Variants in RAD51D observed in about 807,000 individuals in gnomAD.
RAD51D encodes RAD51 paralog D.
RAD51D carries 38 observed loss-of-function variants against 44.1 expected under a neutral mutation model. The observed-to-expected ratio is 0.86, with a 90% CI of 0.67 to 1.13. The LOEUF is 1.13. Ranked by LOEUF, RAD51D falls within the 50% of genes most tolerant of loss-of-function variation. The pLI, the probability that RAD51D is intolerant of heterozygous loss-of-function variation, is 0.00. For synonymous variants in RAD51D, 141 were observed against 166.6 expected (o/e 0.85, Z 1.18); for missense variants, 390 against 414.0 (o/e 0.94, Z 0.50).
Position 35,101,504 on chromosome 17 carries a change from T to C in RAD51D, c.739-139A>G, listed in dbSNP as rs928244175. On this transcript the variant is annotated intron_variant, in intron 8 of 9. Coordinates refer to ENST00000345365, the MANE Select transcript of RAD51D (RefSeq NM_002878.4). Reference sequence around the variant, plus strand: ...CAAGGTTACAAAACCTAATGGCAGGTCTGGAACTAGAACCTGGGCCTCCTG... The same window carrying C: ...CAAGGTTACAAAACCTAATGGCAGGCCTGGAACTAGAACCTGGGCCTCCTG... 5.3e-6 allele frequency: 5 copies of C among 936,056 alleles called. No individual in the cohort carries two copies. In the East Asian group the frequency reaches 1.3e-4, roughly 24 times the overall value. 58.0% of individuals were successfully genotyped at this position (936,056 alleles called of 1,614,324 possible). A position where few individuals can be genotyped will look rare whatever the true frequency, so the allele number is the denominator to read the frequency against.
rs1310166106 is a variant in RAD51D at position 35,116,880 on chromosome 17, C to G, written c.263+1621G>C. 3 of 1,571,420 alleles carry G rather than the reference C, an allele frequency of 1.9e-6. No homozygotes were observed. The highest frequency in any genetic ancestry group is 2.4e-5 in the East Asian group (1 of 42,436). On this transcript the variant is annotated intron_variant, in intron 3 of 9. Coordinates refer to ENST00000345365, the MANE Select transcript of RAD51D (RefSeq NM_002878.4). ...GTACCGTGAAGTGCTGACCGCAGTG[C>G]CTCGTTCATCGAAAGCATTCAGCGA...
At chr17:35,110,776 A>G (rs4796036) in intron 3 of RAD51D, among the ~76,000 whole-genome samples, 60,185 of 151,996 alleles carry the variant, frequency 0.4, 12,626 homozygotes, top group Admixed American at 0.55. Flanking sequence ...GTTTGAGGCC[A>G]GCCTGGGCAA....
At chr17:35,104,934 A>G (rs914691358) in intron 6 of RAD51D, 2 of 150,998 alleles carry the variant, frequency 1.3e-5, no homozygotes, top group African/African-American at 4.9e-5. Flanking sequence ...CTTCCAAAGC[A>G]TTGGGATTTT....
chr17:35,106,525 A>C, intron 5 of RAD51D, 44 bp from the exon 6 acceptor site: 2 of 1,454,794 alleles, frequency 1.4e-6, no homozygotes, highest in Non-Finnish European at 1.9e-6. Flanking sequence ...GATAAGAGGG[A>C]GTAGGGGGGT....
chr17:35,107,172 T>C (rs778300366), intron 4 of RAD51D, 50 bp from the exon 5 acceptor site: 4 of 1,609,012 alleles, frequency 2.5e-6, no homozygotes, highest in Admixed American at 3.3e-5. Context: ...AGGGTCCAGA[T>C]GGGAGCTCCC....
rs554401547 is a variant in RAD51D, at chr17:35,114,039, G to A, written c.263+4462C>T. Among the ~76,000 whole-genome samples the A allele has an allele frequency of 4.0e-4, 61 of 152,270 alleles. No individual in the cohort carries two copies. In the South Asian group the frequency reaches 0.011, roughly 28 times the overall value. On this transcript the variant is annotated intron_variant, in intron 3 of 9. Transcript: ENST00000345365. ...TGTAATCCTAGCACTTTGGGAGGCCGAGGCGGGTGGATCACGAGGTCAGGA... is the reference window on the plus strand; with the variant it reads ...TGTAATCCTAGCACTTTGGGAGGCCAAGGCGGGTGGATCACGAGGTCAGGA...
In RAD51D at chr17:35,118,600, C is replaced by A. The variant is rs151198586; in HGVS notation, c.164G>T (p.Arg55Leu). Residue 55 changes from arginine (R) to leucine (L), a missense_variant, in exon 3 of 10, where the codon CGG becomes CTG. Arg to Leu is a moderately radical substitution (Grantham distance 102). Coordinates refer to ENST00000345365, the MANE Select transcript of RAD51D (RefSeq NM_002878.4). ...AGCCGAGAACTGAGCCAGCAGCACC[C>A]GCCTCAGGGCAACCAGGGCCTGCCA... ...LSYKALVALR[R>L]VLLAQFSAFP... The A allele has an allele frequency of 6.2e-7, 1 of 1,614,214 alleles. No homozygotes were observed. Among genetic ancestry groups the A allele is most frequent in the Non-Finnish European group, 8.5e-7 (1 of 1,180,040 alleles).
At position 35,099,279 on chromosome 17, in the gene RAD51D, T is replaced by G. The variant is rs2091509450; in HGVS notation, c.*1674A>C. The G allele has an allele frequency of 6.2e-6, 1 of 161,886 alleles. No individual in the cohort carries two copies. Among genetic ancestry groups the G allele is most frequent in the African/African-American group, 2.4e-5 (1 of 41,450 alleles). The allele number at this position is 161,886 out of a possible 1,614,324, so 10.0% of individuals were successfully genotyped here. On this transcript the variant is annotated 3_prime_UTR_variant, in exon 10 of 10. Transcript: ENST00000345365. ...ACCTTGAATACCAACTCCAACTGAC[T>G]GGTAGTGGCCCCCTGGAGTGCTATA...
intron 6 of RAD51D, among the ~76,000 whole-genome samples, chr17:35,104,346 T>C (rs1219106959): frequency 2.0e-5 from 3 of 152,220 alleles, no homozygotes; most frequent in African/African-American, 7.2e-5. Context: ...TCCTTCTAGA[T>C]CATGCCTCTA....
rs1473355636 is a variant in RAD51D, at chr17:35,100,905, T to G, written c.*48A>C. The G allele has an allele frequency of 1.3e-6, 2 of 1,508,458 alleles. No homozygotes were observed. The highest frequency in any genetic ancestry group is 2.8e-5 in the African/African-American group (2 of 72,614). The allele number at this position is 1,508,458 out of a possible 1,614,324, so 93.4% of individuals were successfully genotyped here. A position where few individuals can be genotyped will look rare whatever the true frequency, so the allele number is the denominator to read the frequency against. The stretch of plus-strand genomic sequence containing the variant: ...CAGCAGGCGTTACTGGGAAGAAAAG[T>G]TGGGAGGGGTCCCCAATGCTTCCCT... On this transcript the variant is annotated 3_prime_UTR_variant, in exon 10 of 10. Coordinates refer to ENST00000345365, the MANE Select transcript of RAD51D (RefSeq NM_002878.4).
intron 3 of RAD51D, chr17:35,115,261 A>T (rs1335171753): frequency 5.8e-6 from 3 of 518,040 alleles, no homozygotes; most frequent in Non-Finnish European, 1.2e-5. Context: ...TCATCCATTC[A>T]CACACCACTT....
Position 35,119,585 on chromosome 17 carries a change from G to C in RAD51D, c.29C>G (p.Pro10Arg), listed in dbSNP as rs759505297. 1 of 1,612,418 alleles carries C rather than the reference G, an allele frequency of 6.2e-7. No individual in the cohort carries two copies. Among genetic ancestry groups the C allele is most frequent in the Admixed American group, 1.7e-5 (1 of 60,012 alleles). The stretch of plus-strand genomic sequence containing the variant: ...CTGGATCATCTCCTCGGTAAGGCCA[G>C]GGCACAGTCCGACCCTGAGCACGCC... MGVLRVGLCPGLTEEMIQLL... is the reference protein window; with the variant it reads MGVLRVGLCRGLTEEMIQLL... Residue 10 changes from proline to arginine, a missense_variant, in exon 1 of 10, where the codon CCT becomes CGT. Coordinates refer to ENST00000345365, the MANE Select transcript of RAD51D (RefSeq NM_002878.4).
chr17:35,100,137 C>T lies in RAD51D; in HGVS notation c.*816G>A, dbSNP rs570477750. On this transcript the variant is annotated 3_prime_UTR_variant, in exon 10 of 10. Coordinates refer to ENST00000345365, the MANE Select transcript of RAD51D (RefSeq NM_002878.4). ...CTGGTTATGCTGTACTGTGGAGGGG[C>T]CCCACAGGGCACCATGCATATTAAA... is the stretch of plus-strand genomic sequence containing the variant. 4 of 532,776 alleles carry T rather than the reference C, an allele frequency of 7.5e-6. No homozygotes were observed. In the East Asian group the frequency reaches 1.6e-4, roughly 21 times the overall value. The allele number at this position is 532,776 out of a possible 1,614,324, so 33.0% of individuals were successfully genotyped here. A position where few individuals can be genotyped will look rare whatever the true frequency, so the allele number is the denominator to read the frequency against.
chr17:35,119,124 C>G lies in RAD51D; in HGVS notation c.131G>C (p.Gly44Ala), dbSNP rs374730714. 17 of 1,613,740 alleles carry G rather than the reference C, an allele frequency of 1.1e-5. No homozygotes were observed. The highest frequency in any genetic ancestry group is 1.4e-5 in the Non-Finnish European group (17 of 1,179,624). ...TCAGGAGCTCACCTTGTAAGACAAG[C>G]CACATTTCTGAGCTACCTCTTCCAG... ...ADLEEVAQKCGLSYKALVALR... is the reference protein window; with the variant it reads ...ADLEEVAQKCALSYKALVALR... The change falls in exon 2 of 10, where the codon GGC becomes GCC. Residue 44 changes from glycine (G) to alanine (A), a missense_variant. Coordinates refer to ENST00000345365, the MANE Select transcript of RAD51D (RefSeq NM_002878.4).
rs927671704 is a variant in RAD51D at position 35,110,065 on chromosome 17, G to A, written c.264-2618C>T. On this transcript the variant is annotated intron_variant, in intron 3 of 9. Transcript: ENST00000345365. ...GCTCACTGCAATCTTGACCTCCCAG[G>A]CTGAGGTGATCCTCCCACATCAGCT... 3.4e-5 allele frequency among the ~76,000 whole-genome samples: 5 copies of A among 148,944 alleles called. No homozygotes were observed. The Admixed American group carries it at 3.4e-4, about 10-fold the overall frequency.
intron 3 of RAD51D, among the ~76,000 whole-genome samples, chr17:35,114,463 T>C: frequency 6.6e-6 from 1 of 151,898 alleles, no homozygotes; most frequent in Non-Finnish European, 1.5e-5. Context: ...GTAGGATTGC[T>C]TGAGCCCAGG....
In RAD51D at chr17:35,100,538, G is replaced by GGAA; in HGVS notation, c.*414_*415insTTC. The GGAA allele has an allele frequency of 3.7e-6, 2 of 540,922 alleles. No individual in the cohort carries two copies. Among genetic ancestry groups the GGAA allele is most frequent in the Non-Finnish European group, 7.1e-6 (2 of 281,192 alleles). The allele number at this position is 540,922 out of a possible 1,614,324, so 33.5% of individuals were successfully genotyped here. On this transcript the variant is annotated 3_prime_UTR_variant, in exon 10 of 10. Transcript: ENST00000345365. ...AAAGGCAGAGACAAAAGAAAAAAAA[G>GGAA]GCAGCAGCAGCAAAGGCAAGTTAGA...
rs527381798 is a variant in RAD51D at position 35,114,135 on chromosome 17, G to A, written c.263+4366C>T. 1.2e-4 allele frequency among the ~76,000 whole-genome samples: 18 copies of A among 152,238 alleles called. No individual in the cohort carries two copies. In the South Asian group the frequency reaches 3.7e-3, roughly 32 times the overall value. On this transcript the variant is annotated intron_variant, in intron 3 of 9. Coordinates refer to ENST00000345365, the MANE Select transcript of RAD51D (RefSeq NM_002878.4). ...AAAATACAAAAAATTAGCTGGGCGTGGTGGCGGGCGCCTGTAGTCCCAGCT... is the reference window on the plus strand; with the variant it reads ...AAAATACAAAAAATTAGCTGGGCGTAGTGGCGGGCGCCTGTAGTCCCAGCT...
At chr17:35,114,910 GATTCTAACGTGCAGCTGGGGTTGAAGC>G (rs768839009) in intron 3 of RAD51D, among the ~76,000 whole-genome samples, 255 of 152,324 alleles carry the variant, frequency 1.7e-3, no homozygotes, top group Non-Finnish European at 2.4e-3. Context: ...TTTCCCAGAT[GATTCTAACGTGCAGCTGGGGTTGAAGC>G]ACTGGTGTTG....
Sources: allele counts gnomAD v4.1 joint callset (sites outside exome capture counted in the v4.1 genomes callset), GRCh38; gene constraint gnomAD v4.1.1; transcripts MANE v1.5; gene names NCBI Gene and HGNC (gene_info 2026-07-23, HGNC 2026-07-21).